The following C13orf46 variants were observed in gnomAD, a reference collection of about 807,000 sequenced individuals.
C13orf46 encodes the protein uncharacterized protein C13orf46.
chr13:113,960,009 T>C (rs900152416), intron 6 of C13orf46, among the ~76,000 whole-genome samples: 48 of 152,272 alleles, frequency 3.2e-4, no homozygotes, highest in African/African-American at 1.1e-3. Flanking sequence ...TCCCAGCACT[T>C]TGGGAGGCCA....
At chr13:113,942,122 G>A in the C13orf46 span, among the ~76,000 whole-genome samples, 1 of 152,252 alleles carries the variant, frequency 6.6e-6, no homozygotes, top group South Asian at 2.1e-4. Context: ...ACGCACAGAG[G>A]CCGTGCTGAT....
the C13orf46 span, among the ~76,000 whole-genome samples, chr13:113,944,346 G>A: frequency 6.6e-6 from 1 of 152,200 alleles, no homozygotes; most frequent in Non-Finnish European, 1.5e-5. Flanking sequence ...CGGCTCTGCT[G>A]AGGCCATCCT....
At chr13:113,966,368 ATGG>A (rs1168297301) in intron 5 of C13orf46, among the ~76,000 whole-genome samples, 9 of 147,008 alleles carry the variant, frequency 6.1e-5, no homozygotes, top group Admixed American at 2.0e-4. Flanking sequence ...GATATTAATG[ATGG>A]TGATGATGAT....
intron 6 of C13orf46, among the ~76,000 whole-genome samples, chr13:113,962,907 A>C (rs1230818463): frequency 6.6e-6 from 1 of 152,196 alleles, no homozygotes; most frequent in African/African-American, 2.4e-5. Context: ...GTCCTAGTGA[A>C]AGCTGGTGTG....
At chr13:113,945,642 AAGAAAGAAAG>A in the C13orf46 span, among the ~76,000 whole-genome samples, 1 of 137,468 alleles carries the variant, frequency 7.3e-6, no homozygotes, top group African/African-American at 2.7e-5. Flanking sequence ...GAAAGAAAGA[AAGAAAGAAAG>A]AAAGAAAGAA....
chr13:113,961,498 G>A (rs2052586582), intron 6 of C13orf46, among the ~76,000 whole-genome samples: 1 of 89,988 alleles, frequency 1.1e-5, no homozygotes, highest in Admixed American at 1.2e-4. Flanking sequence ...TTGTTGGTTA[G>A]AAGCTTTCAT....
intron 6 of C13orf46, among the ~76,000 whole-genome samples, chr13:113,958,481 T>C (rs1293113566): frequency 3.3e-5 from 5 of 152,184 alleles, no homozygotes; most frequent in African/African-American, 1.2e-4. Context: ...CCTGGGTCCG[T>C]GCCTTTTCCT....
chr13:113,971,915 C>T (rs941228341), intron 1 of C13orf46, among the ~76,000 whole-genome samples: 1 of 152,216 alleles, frequency 6.6e-6, no homozygotes, highest in African/African-American at 2.4e-5. Flanking sequence ...AGCCACAAAG[C>T]TCCAGGGAGG....
chr13:113,940,171 C>T, the C13orf46 span, among the ~76,000 whole-genome samples: 2 of 152,242 alleles, frequency 1.3e-5, no homozygotes, highest in African/African-American at 2.4e-5. Context: ...CATTTGGCTC[C>T]TCTTACTACT....
the C13orf46 span, among the ~76,000 whole-genome samples, chr13:113,945,816 C>G: frequency 6.6e-6 from 1 of 152,112 alleles, no homozygotes; most frequent in Non-Finnish European, 1.5e-5. Context: ...ACATATTGAC[C>G]CTTTTGTTCA....
the C13orf46 span, among the ~76,000 whole-genome samples, chr13:113,934,191 C>T: frequency 6.6e-6 from 1 of 152,332 alleles, no homozygotes; most frequent in East Asian, 1.9e-4. Flanking sequence ...CGTTGCTGAG[C>T]ACGTTGTGTG....
the C13orf46 span, among the ~76,000 whole-genome samples, chr13:113,939,886 G>T: frequency 1.3e-5 from 2 of 152,236 alleles, no homozygotes. Flanking sequence ...GATTCAGCGT[G>T]AAAAACACTG....
the C13orf46 span, chr13:113,927,656 CAAG>C: frequency 2.5e-6 from 1 of 398,586 alleles, no homozygotes; most frequent in African/African-American, 2.1e-5. Flanking sequence ...CCAATAAGAC[CAAG>C]AATAATTAAT....
intron 1 of C13orf46, among the ~76,000 whole-genome samples, chr13:113,971,364 C>T (rs2052703208): frequency 6.6e-6 from 1 of 152,236 alleles, no homozygotes; most frequent in Non-Finnish European, 1.5e-5. Context: ...GGGAATGGGG[C>T]TCTTCCAGGG....
chr13:113,943,631 G>A, the C13orf46 span, among the ~76,000 whole-genome samples: 1 of 152,212 alleles, frequency 6.6e-6, no homozygotes, highest in Admixed American at 6.5e-5. Flanking sequence ...TTCCCGTCAT[G>A]GCTGGAAACC....
the C13orf46 span, among the ~76,000 whole-genome samples, chr13:113,942,198 A>C: frequency 6.6e-6 from 1 of 152,226 alleles, no homozygotes; most frequent in Non-Finnish European, 1.5e-5. Flanking sequence ...AGAATACAAT[A>C]GACGCATATG....
chr13:113,967,559 C>T (rs1384922660), intron 4 of C13orf46, among the ~76,000 whole-genome samples, 171 bp from the exon 5 acceptor site: 10 of 152,250 alleles, frequency 6.6e-5, no homozygotes, highest in South Asian at 4.2e-4. Context: ...GCTCCTGGGA[C>T]GCTGGGCAGA....
downstream of C13orf46, among the ~76,000 whole-genome samples, chr13:113,950,340 T>C (rs1454357544): frequency 9.5e-6 from 1 of 105,304 alleles, no homozygotes; most frequent in Non-Finnish European, 2.0e-5. Context: ...ATCTGTAGAG[T>C]GGGGTCATCA....
intron 6 of C13orf46, among the ~76,000 whole-genome samples, chr13:113,959,169 G>A (rs1371172361): frequency 5.3e-5 from 8 of 152,192 alleles, no homozygotes; most frequent in Admixed American, 4.6e-4. Context: ...CTACTTGGGA[G>A]GCTGAGGCAG....
Sources: allele counts gnomAD v4.1 joint callset (sites outside exome capture counted in the v4.1 genomes callset), GRCh38; gene constraint gnomAD v4.1.1; transcripts MANE v1.5; gene names NCBI Gene and HGNC (gene_info 2026-07-23, HGNC 2026-07-21).